Variants in PGGT1B observed in about 807,000 individuals in gnomAD.
The protein encoded by PGGT1B is geranylgeranyl transferase type-1 subunit beta.
In PGGT1B, 30 loss-of-function variants were observed where a neutral mutation model predicts 46.1. The ratio of observed to expected loss-of-function variants is 0.65; its 90% CI spans 0.49 to 0.88. The LOEUF is 0.88. PGGT1B is among the 40% of genes least tolerant of loss of function. The pLI, the probability that PGGT1B is intolerant of heterozygous loss-of-function variation, is 0.00. For synonymous variants in PGGT1B, 170 were observed against 160.0 expected, an observed-to-expected ratio of 1.06 and a Z score of -0.47; for missense variants, 376 against 455.9, an observed-to-expected ratio of 0.82 and a Z score of 1.60.
chr5:115,254,441 A>G (rs1038715632), intron 1 of PGGT1B, among the ~76,000 whole-genome samples: 8 of 152,050 alleles, frequency 5.3e-5, no homozygotes, highest in Non-Finnish European at 1.0e-4. Flanking sequence ...TTTGTGCATG[A>G]AACAAAGTTA....
Position 115,206,406 on chromosome 5 carries a change from G to C in PGGT1B, c.*5996C>G, listed in dbSNP as rs1201623444. 2 of 151,888 alleles carry C rather than the reference G, an allele frequency of 1.3e-5. No individual in the cohort carries two copies. The highest frequency in any genetic ancestry group is 2.9e-5 in the Non-Finnish European group (2 of 67,864). 9.4% of individuals were successfully genotyped at this position (151,888 alleles called of 1,614,324 possible). ...AATAAGCTATATATTTTTTAAAATT[G>C]TAAATATCTGAATAATTAAGCACCA... On this transcript the variant is annotated 3_prime_UTR_variant, in exon 9 of 9. Coordinates refer to ENST00000419445, the MANE Select transcript of PGGT1B (RefSeq NM_005023.4).
intron 2 of PGGT1B, among the ~76,000 whole-genome samples, chr5:115,245,718 T>G (rs1262908946): frequency 6.6e-6 from 1 of 152,126 alleles, no homozygotes; most frequent in African/African-American, 2.4e-5. Flanking sequence ...AAAGTAAAAA[T>G]GTTTTTCTTT....
intron 6 of PGGT1B, among the ~76,000 whole-genome samples, chr5:115,224,825 C>T (rs1280669047): frequency 7.4e-6 from 1 of 134,884 alleles, no homozygotes; most frequent in Non-Finnish European, 1.5e-5. Flanking sequence ...CAGAGAGAGA[C>T]TATGTCTCAA....
chr5:115,225,740 G>T (rs1756759210), intron 6 of PGGT1B, among the ~76,000 whole-genome samples: 2 of 151,524 alleles, frequency 1.3e-5, no homozygotes, highest in African/African-American at 4.9e-5. Flanking sequence ...CCGCCTCCTG[G>T]GTTCAAACAA....
chr5:115,249,006 G>C (rs1187602234), intron 2 of PGGT1B, among the ~76,000 whole-genome samples: 2 of 152,052 alleles, frequency 1.3e-5, no homozygotes, highest in African/African-American at 4.8e-5. Flanking sequence ...TTTGAAGAGA[G>C]GTTAAGCTAA....
rs760123428 is a variant in PGGT1B, at chr5:115,208,125, A to C, written c.*4277T>G. ...TGTTGGATTGTTTGCTAATGTTATC[A>C]TTAAAACTTTTTATTAATATTCATG... On this transcript the variant is annotated 3_prime_UTR_variant, in exon 9 of 9. Transcript: ENST00000419445. The C allele has an allele frequency of 3.3e-5, 5 of 151,778 alleles. No homozygotes were observed. Among genetic ancestry groups the C allele is most frequent in the Non-Finnish European group, 5.9e-5 (4 of 67,942 alleles). The allele number at this position is 151,778 out of a possible 1,614,324, so 9.4% of individuals were successfully genotyped here.
intron 6 of PGGT1B, among the ~76,000 whole-genome samples, chr5:115,230,155 G>A (rs1418630754): frequency 6.6e-6 from 1 of 151,990 alleles, no homozygotes; most frequent in Non-Finnish European, 1.5e-5. Context: ...CTCTGTTGAT[G>A]AGGAAACCCT....
chr5:115,231,262 T>C (rs547584526), intron 5 of PGGT1B, among the ~76,000 whole-genome samples: 7 of 152,182 alleles, frequency 4.6e-5, no homozygotes, highest in Admixed American at 6.6e-5. Context: ...ATTCTGAGAA[T>C]AGATTATTCA....
At chr5:115,230,639 G>A (rs1216367870) in intron 6 of PGGT1B, among the ~76,000 whole-genome samples, 1 of 151,968 alleles carries the variant, frequency 6.6e-6, no homozygotes, top group Non-Finnish European at 1.5e-5. Context: ...TCTATATTTG[G>A]TCTAGCCTTT....
chr5:115,227,550 C>T (rs894163560), intron 6 of PGGT1B, among the ~76,000 whole-genome samples: 3 of 152,188 alleles, frequency 2.0e-5, no homozygotes, highest in Non-Finnish European at 2.9e-5. Flanking sequence ...ACAGACTTAT[C>T]CACCACAGTC....
chr5:115,247,226 T>C (rs187747468), intron 2 of PGGT1B, among the ~76,000 whole-genome samples: 7 of 152,294 alleles, frequency 4.6e-5, no homozygotes, highest in East Asian at 3.9e-4. Flanking sequence ...TATAAACTTA[T>C]GGAATATAAA....
At chr5:115,258,262 A>G (rs1200654029) in intron 1 of PGGT1B, among the ~76,000 whole-genome samples, 1 of 152,160 alleles carries the variant, frequency 6.6e-6, no homozygotes, top group Non-Finnish European at 1.5e-5. Flanking sequence ...TATCCAGACC[A>G]GATAGCAGTT....
At chr5:115,250,519 A>G (rs956872628) in intron 2 of PGGT1B, among the ~76,000 whole-genome samples, 1 of 152,184 alleles carries the variant, frequency 6.6e-6, no homozygotes, top group African/African-American at 2.4e-5. Context: ...TTAAGCAGCA[A>G]TGACTGAAGA....
intron 6 of PGGT1B, among the ~76,000 whole-genome samples, chr5:115,227,349 G>A (rs184799805): frequency 1.3e-5 from 2 of 152,290 alleles, no homozygotes; most frequent in South Asian, 2.1e-4. Flanking sequence ...CAATCTGTGT[G>A]AGACTTGTAT....
chr5:115,240,845 A>G lies in PGGT1B; in HGVS notation c.327+694T>C, dbSNP rs1313065166. Among the ~76,000 whole-genome samples, 61 of 152,186 alleles carry G rather than the reference A, an allele frequency of 4.0e-4. 1 individual carries two copies. Among genetic ancestry groups the G allele is most frequent in the Admixed American group, 3.9e-3 (60 of 15,278 alleles). ...TATGGTGTGAGGCCGCTTTAGAAAA[A>G]ATGATGCTTTTCTCCACTTTCTACT... On this transcript the variant is annotated intron_variant, in intron 3 of 8. Coordinates refer to ENST00000419445, the MANE Select transcript of PGGT1B (RefSeq NM_005023.4).
chr5:115,221,788 G>A, intron 7 of PGGT1B, 36 bp downstream of exon 7: 1 of 1,328,856 alleles, frequency 7.5e-7, no homozygotes, highest in Non-Finnish European at 1.0e-6. Context: ...TATGAACACA[G>A]AATATAGGTT....
intron 6 of PGGT1B, among the ~76,000 whole-genome samples, chr5:115,226,373 A>G (rs1756783402): frequency 6.6e-6 from 1 of 152,112 alleles, no homozygotes; most frequent in Non-Finnish European, 1.5e-5. Flanking sequence ...GGACCCAAGT[A>G]TTTTGGATAA....
At chr5:115,229,202 C>T (rs1431360200) in intron 6 of PGGT1B, among the ~76,000 whole-genome samples, 1 of 152,048 alleles carries the variant, frequency 6.6e-6, no homozygotes, top group Non-Finnish European at 1.5e-5. Flanking sequence ...ATTTGTAGGC[C>T]ATACTGTAAT....
At chr5:115,235,458 C>A (rs1053270548) in intron 5 of PGGT1B, among the ~76,000 whole-genome samples, 1 of 151,980 alleles carries the variant, frequency 6.6e-6, no homozygotes, top group Admixed American at 6.6e-5. Context: ...ACAAGATATT[C>A]GGTAATTACA....
Sources: gnomAD v4.1 joint callset for allele counts (sites outside exome capture counted in the v4.1 genomes callset) on GRCh38, gnomAD v4.1.1 for gene constraint, MANE v1.5 for transcripts, NCBI Gene and HGNC (gene_info 2026-07-23, HGNC 2026-07-21) for gene names.